LAMB2: variants seen among roughly 807,000 people sequenced by gnomAD.
The protein encoded by LAMB2 is laminin subunit beta 2, also known as laminin subunit beta-2.
A neutral mutation model predicts 202.7 loss-of-function variants in LAMB2; 119 were observed. That is an observed-to-expected ratio of 0.59 (90% CI 0.51 to 0.68). The LOEUF (loss-of-function observed/expected upper bound fraction) is 0.68. Ranked by LOEUF, LAMB2 falls within the 30% of genes least tolerant of loss-of-function variation. The pLI, the probability that LAMB2 is intolerant of heterozygous loss-of-function variation, is 0.00. For synonymous variants in LAMB2, 818 were observed against 902.2 expected (o/e 0.91, Z 1.67); for missense variants, 2,124 against 2,410.6 (o/e 0.88, Z 2.49).
Position 49,129,348 on chromosome 3 carries a change from G to A in LAMB2, c.1519-24C>T. The stretch of plus-strand genomic sequence containing the variant: ...GGCTGCACGAAAGGAGTTGCTGGGG[G>A]CCAGAAACAGACCTCCAGACCCCAT... On this transcript the variant is annotated intron_variant, in intron 11 of 31. Transcript: ENST00000305544. The surrounding 1 kb of genome is among the most constrained non-coding windows in gnomAD (Gnocchi z 6.1). 1 of 1,603,238 alleles carries A rather than the reference G, an allele frequency of 6.2e-7. No homozygotes were observed. The highest frequency in any genetic ancestry group is 8.5e-7 in the Non-Finnish European group (1 of 1,173,176).
Position 49,131,456 on chromosome 3 carries a change from G to T in LAMB2, c.649-14C>A, listed in dbSNP as rs774641752. ...ACGATAGATGACCTGGAGAAGCAGG[G>T]AGTTCATAGTCACACTGGACCTTGC... On this transcript the variant is annotated splice_polypyrimidine_tract_variant and intron_variant, in intron 5 of 31. Coordinates refer to ENST00000305544, the MANE Select transcript of LAMB2 (RefSeq NM_002292.4). This position sits in a 1 kb window ranked among gnomAD's most constrained non-coding sequence, Gnocchi z 5.0. The T allele has an allele frequency of 9.9e-6, 16 of 1,614,060 alleles. No individual in the cohort carries two copies. Among genetic ancestry groups the T allele is most frequent in the Non-Finnish European group, 1.4e-5 (16 of 1,179,990 alleles).
chr3:49,131,678 C>A lies in LAMB2; in HGVS notation c.505G>T (p.Gly169Cys). ...TATCGGTACACATGCCAGGTGCGGCCAAAGTCTGCTGAGCGTTCCACCAGC... is the reference window on the plus strand; with the variant it reads ...TATCGGTACACATGCCAGGTGCGGCAAAAGTCTGCTGAGCGTTCCACCAGC... ...AMLVERSADFGRTWHVYRYFS... is the reference protein window; with the variant it reads ...AMLVERSADFCRTWHVYRYFS... Residue 169 changes from glycine to cysteine, a missense_variant, in exon 5 of 32, where the codon GGC (glycine) becomes TGC (cysteine). This residue lies in a region of LAMB2 where 256 missense variants were observed against 356.1 expected (regional missense o/e 0.72). Transcript: ENST00000305544. The surrounding 1 kb of genome is among the most constrained non-coding windows in gnomAD (Gnocchi z 5.0). The A allele has an allele frequency of 6.2e-7, 1 of 1,613,590 alleles. No individual in the cohort carries two copies. The highest frequency in any genetic ancestry group is 8.5e-7 in the Non-Finnish European group (1 of 1,180,040).
rs1481123908 is a variant in LAMB2, at chr3:49,121,433, C to T, written c.5260G>A (p.Glu1754Lys). Residue 1754 changes from glutamate (E) to lysine (K), a missense_variant and splice_region_variant, in exon 31 of 32, where the codon GAA (glutamate) becomes AAA (lysine). Transcript: ENST00000305544. ...GTGTCTCTGGTGCCCCATTTCTTACCCTGTAGCCGCTGCAGCTTGTCCTGA... is the reference window on the plus strand; with the variant it reads ...GTGTCTCTGGTGCCCCATTTCTTACTCTGTAGCCGCTGCAGCTTGTCCTGA... ...AAQDKLQRLQ[E>K]LEGTYEENER... 2.5e-6 allele frequency: 4 copies of T among 1,613,916 alleles called. No homozygotes were observed.
chr3:49,131,187 A>C lies in LAMB2; in HGVS notation c.713-35T>G, dbSNP rs1434761577. The C allele has an allele frequency of 1.3e-6, 2 of 1,599,958 alleles. No homozygotes were observed. Among genetic ancestry groups the C allele is most frequent in the African/African-American group, 2.7e-5 (2 of 74,628 alleles). On this transcript the variant is annotated intron_variant, in intron 6 of 31. Coordinates refer to ENST00000305544, the MANE Select transcript of LAMB2 (RefSeq NM_002292.4). This position sits in a 1 kb window ranked among gnomAD's most constrained non-coding sequence, Gnocchi z 5.0. ...GGGAAGGGGGGCCAACTGACCAGGC[A>C]GGCCCTTGCTGCCCCATGTCCACCC... is the stretch of plus-strand genomic sequence containing the variant.
chr3:49,129,131 T>C lies in LAMB2; in HGVS notation c.1620A>G (p.Gln540=), dbSNP rs1354605089. 8 of 1,614,042 alleles carry C rather than the reference T, an allele frequency of 5.0e-6. No individual in the cohort carries two copies. The highest frequency in any genetic ancestry group is 2.7e-5 in the African/African-American group (2 of 75,044). ...LDPQCDEGTG[Q]CHCRQHMVGR... is the part of the protein sequence containing the mutation. Reference sequence around the variant, plus strand: ...CAACCATGTGCTGGCGGCAGTGGCATTGACCTGTGCCCTCATCACACCTGG... The same window carrying C: ...CAACCATGTGCTGGCGGCAGTGGCACTGACCTGTGCCCTCATCACACCTGG... The change falls in exon 13 of 32, where the codon CAA becomes CAG. Residue 540 remains glutamine (Q), a synonymous_variant. Coordinates refer to ENST00000305544, the MANE Select transcript of LAMB2 (RefSeq NM_002292.4). The surrounding 1 kb of genome is among the most constrained non-coding windows in gnomAD (Gnocchi z 6.1).
At position 49,131,162 on chromosome 3, in the gene LAMB2, G is replaced by C. The variant is rs769200609; in HGVS notation, c.713-10C>G. ...GTGATCTTCAACAGGTCTGAGGCGGGGGAAGGGGGGCCAACTGACCAGGCA... is the reference window on the plus strand; with the variant it reads ...GTGATCTTCAACAGGTCTGAGGCGGCGGAAGGGGGGCCAACTGACCAGGCA... On this transcript the variant is annotated splice_polypyrimidine_tract_variant and intron_variant, in intron 6 of 31. Coordinates refer to ENST00000305544, the MANE Select transcript of LAMB2 (RefSeq NM_002292.4). This position sits in a 1 kb window ranked among gnomAD's most constrained non-coding sequence, Gnocchi z 5.0. 1.1e-5 allele frequency: 17 copies of C among 1,612,694 alleles called. No individual in the cohort carries two copies. Among genetic ancestry groups the C allele is most frequent in the Non-Finnish European group, 1.4e-5 (16 of 1,179,782 alleles).
In LAMB2 at chr3:49,132,031, G is replaced by A; in HGVS notation, c.459+85C>T. On this transcript the variant is annotated intron_variant, in intron 4 of 31. Transcript: ENST00000305544. The surrounding 1 kb of genome is among the most constrained non-coding windows in gnomAD (Gnocchi z 4.6). ...GCCTCCTGCATCCATGCTCAAGGAG[G>A]CTGTGTTAAGGAGCTGAGGCTCTGT... is the stretch of plus-strand genomic sequence containing the variant. 1 of 1,293,234 alleles carries A rather than the reference G, an allele frequency of 7.7e-7. No homozygotes were observed. The highest frequency in any genetic ancestry group is 1.2e-5 in the South Asian group (1 of 83,778). The allele number at this position is 1,293,234 out of a possible 1,614,324, so 80.1% of individuals were successfully genotyped here.
At position 49,131,730 on chromosome 3, in the gene LAMB2, A is replaced by AG; in HGVS notation, c.460-8dup. 6.2e-7 allele frequency: 1 copy of AG among 1,612,790 alleles called. No homozygotes were observed. The highest frequency in any genetic ancestry group is 1.7e-5 in the Admixed American group (1 of 60,022). On this transcript the variant is annotated splice_region_variant and splice_polypyrimidine_tract_variant and intron_variant, in intron 4 of 31. Transcript: ENST00000305544. This position sits in a 1 kb window ranked among gnomAD's most constrained non-coding sequence, Gnocchi z 5.0. ...TGGCAGCAGGGCGAAATGTCTGGGT[A>AG]GGGGGGCATAGCTGATCAGCAGGCA... is the stretch of plus-strand genomic sequence containing the variant.
chr3:49,127,915 G>A (rs1012445951), intron 15 of LAMB2, among the ~76,000 whole-genome samples: 5 of 148,394 alleles, frequency 3.4e-5, no homozygotes, highest in African/African-American at 1.2e-4. Context: ...AGCTACTCGG[G>A]ATGCTGACAC....
chr3:49,124,751 G>A lies in LAMB2; in HGVS notation c.3059C>T (p.Ala1020Val). Residue 1020 changes from alanine (A) to valine (V), a missense_variant, in exon 21 of 32, where the codon GCC (alanine) becomes GTC (valine). Ala to Val is a moderately conservative substitution (Grantham distance 64, BLOSUM62 0). Coordinates refer to ENST00000305544, the MANE Select transcript of LAMB2 (RefSeq NM_002292.4). ...CLHHTEGPHCAHCKPGFHGQA... is the reference protein window; with the variant it reads ...CLHHTEGPHCVHCKPGFHGQA... The stretch of plus-strand genomic sequence containing the variant: ...CCCATGGAAGCCAGGCTTGCAGTGG[G>A]CACAGTGTGGACCCTCTGTGTGGTG... The A allele has an allele frequency of 1.2e-6, 2 of 1,614,206 alleles. No individual in the cohort carries two copies. The highest frequency in any genetic ancestry group is 1.7e-6 in the Non-Finnish European group (2 of 1,180,038).
In LAMB2 at chr3:49,125,735, G is replaced by T. The variant is rs2045406622; in HGVS notation, c.2488+12C>A. The T allele has an allele frequency of 3.1e-6, 5 of 1,613,206 alleles. No homozygotes were observed. The highest frequency in any genetic ancestry group is 3.3e-5 in the Admixed American group (2 of 59,964). ...AGAGAAGCATAGGAGGGAACAAGGG[G>T]CAGAAGAGTACCTTGACAGCCTGTG... On this transcript the variant is annotated intron_variant, in intron 18 of 31. Coordinates refer to ENST00000305544, the MANE Select transcript of LAMB2 (RefSeq NM_002292.4).
rs901971113 is a variant in LAMB2 at position 49,122,914 on chromosome 3, G to A, written c.4363C>T (p.Arg1455Trp). ...AAATADLALG[R>W]ARHTQAELQR... ...AGCTCTGCCTGTGTGTGCCGGGCCC[G>A]GCCCAGTGCTAGGTCTGCTGTAGCC... is the stretch of plus-strand genomic sequence containing the variant. The change falls in exon 27 of 32, where the codon CGG (arginine) becomes TGG (tryptophan). Residue 1455 changes from arginine (R) to tryptophan (W), a missense_variant. Arg to Trp is a moderately radical substitution (Grantham distance 101). This residue lies in a region of LAMB2 where 1,702 missense variants were observed against 1,896.3 expected (regional missense o/e 0.90). Coordinates refer to ENST00000305544, the MANE Select transcript of LAMB2 (RefSeq NM_002292.4). The A allele has an allele frequency of 1.1e-5, 17 of 1,609,158 alleles. No homozygotes were observed. Among genetic ancestry groups the A allele is most frequent in the Middle Eastern group, 1.7e-4 (1 of 6,060 alleles).
rs761954508 is a variant in LAMB2 at position 49,123,111 on chromosome 3, C to A, written c.4224+21G>T. ...GAGGAACATCTACACCCACCTGCCC[C>A]ACCCAACACTTCAACCTCACCAGCT... On this transcript the variant is annotated intron_variant, in intron 26 of 31. Coordinates refer to ENST00000305544, the MANE Select transcript of LAMB2 (RefSeq NM_002292.4). The A allele has an allele frequency of 1.9e-6, 3 of 1,608,978 alleles. No individual in the cohort carries two copies. The African/African-American group carries it at 4.0e-5, about 21-fold the overall frequency.
In LAMB2 at chr3:49,129,854, G is replaced by A. The variant is rs555820356; in HGVS notation, c.1390C>T (p.Arg464Cys). 3.1e-6 allele frequency: 5 copies of A among 1,613,710 alleles called. No individual in the cohort carries two copies. The highest frequency in any genetic ancestry group is 1.3e-5 in the African/African-American group (1 of 74,918). The change falls in exon 10 of 32, where the codon CGT (arginine) becomes TGT (cysteine). Residue 464 changes from arginine (R) to cysteine (C), a missense_variant. Transcript: ENST00000305544. The surrounding 1 kb of genome is among the most constrained non-coding windows in gnomAD (Gnocchi z 6.1). ...DGFFGLSISD[R>C]LGCRRCQCNA... is the part of the protein sequence containing the mutation. Reference sequence around the variant, plus strand: ...AGACACATACGCCGGCAGCCCAGACGGTCACTGATGCTGAGCCCAAAGAAG... The same window carrying A: ...AGACACATACGCCGGCAGCCCAGACAGTCACTGATGCTGAGCCCAAAGAAG...
In LAMB2 at chr3:49,121,238, G is replaced by A. The variant is rs768621231; in HGVS notation, c.5385C>T (p.Asn1795=). 1.2e-6 allele frequency: 2 copies of A among 1,612,118 alleles called. No individual in the cohort carries two copies. The highest frequency in any genetic ancestry group is 2.2e-5 in the East Asian group (1 of 44,894). Residue 1795 remains asparagine, a synonymous_variant, in exon 32 of 32, where the codon AAC becomes AAT. Transcript: ENST00000305544. ...CCTTGGGCAGGGGTCACTGGCAGGT[G>A]TTGTAGATCTGCACCTGCAAGTTGA... The part of the protein sequence containing the change: ...QAINLQVQIY[N]TCQ
Position 49,123,755 on chromosome 3 carries a change from T to C in LAMB2, c.3770A>G (p.Gln1257Arg), listed in dbSNP as rs997948102. The part of the protein sequence containing the change: ...ARNTSAASTA[Q>R]LVEATEELRR... ...CAGCTCCTCTGTGGCCTCCACAAGC[T>C]GTGCAGTGGAGGCGGCTGAGGTGTT... is the stretch of plus-strand genomic sequence containing the variant. The change falls in exon 24 of 32, where the codon CAG (glutamine) becomes CGG (arginine). Residue 1257 changes from glutamine (Q) to arginine (R), a missense_variant. Around this residue, in one of 3 missense-constraint regions of LAMB2, gnomAD observed 1,702 missense variants for 1,896.3 expected, o/e 0.90. Coordinates refer to ENST00000305544, the MANE Select transcript of LAMB2 (RefSeq NM_002292.4). 1.2e-6 allele frequency: 2 copies of C among 1,613,366 alleles called. No individual in the cohort carries two copies. The highest frequency in any genetic ancestry group is 1.7e-6 in the Non-Finnish European group (2 of 1,180,048).
In LAMB2 at chr3:49,131,601, T is replaced by A; in HGVS notation, c.582A>T (p.Pro194=). Residue 194 remains proline (P), a synonymous_variant, in exon 5 of 32, where the codon CCA becomes CCT. Coordinates refer to ENST00000305544, the MANE Select transcript of LAMB2 (RefSeq NM_002292.4). The surrounding 1 kb of genome is among the most constrained non-coding windows in gnomAD (Gnocchi z 5.0). ...ADFPGVPLAP[P]RHWDDVVCES... ...CACAGACTACATCATCCCAGTGCCG[T>A]GGGGGTGCTAGTGGGACTCCTGGGA... 1 of 1,613,598 alleles carries A rather than the reference T, an allele frequency of 6.2e-7. No individual in the cohort carries two copies. Among genetic ancestry groups the A allele is most frequent in the East Asian group, 2.2e-5 (1 of 44,874 alleles).
Position 49,128,761 on chromosome 3 carries a change from G to A in LAMB2, c.1790C>T (p.Ser597Leu). The A allele has an allele frequency of 6.2e-7, 1 of 1,614,156 alleles. No individual in the cohort carries two copies. The highest frequency in any genetic ancestry group is 2.2e-5 in the East Asian group (1 of 44,888). ...ACCTTCCTGTAGCCGCACGAAGCCT[G>A]AGCCAGTCCAGGATGGAGTTTCCCC... Reference protein sequence around the residue: ...TPGETPSWTGSGFVRLQEGQT... With the variant: ...TPGETPSWTGLGFVRLQEGQT... Residue 597 changes from serine to leucine, a missense_variant, in exon 14 of 32, where the codon TCA becomes TTA. This residue lies in a region of LAMB2 where 1,702 missense variants were observed against 1,896.3 expected (regional missense o/e 0.90). Coordinates refer to ENST00000305544, the MANE Select transcript of LAMB2 (RefSeq NM_002292.4).
Position 49,131,855 on chromosome 3 carries a change from A to G in LAMB2, c.460-132T>C, listed in dbSNP as rs1033689454. The G allele has an allele frequency of 3.6e-5, 38 of 1,048,764 alleles. No individual in the cohort carries two copies. Among genetic ancestry groups the G allele is most frequent in the Non-Finnish European group, 5.3e-5 (37 of 704,500 alleles). The allele number at this position is 1,048,764 out of a possible 1,614,324, so 65.0% of individuals were successfully genotyped here. A position where few individuals can be genotyped will look rare whatever the true frequency, so the allele number is the denominator to read the frequency against. Reference sequence around the variant, plus strand: ...AGTGGGGGTGACTGGTGGAAGCCAGATAATGACCAGCAAAGGTAGCCACCT... The same window carrying G: ...AGTGGGGGTGACTGGTGGAAGCCAGGTAATGACCAGCAAAGGTAGCCACCT... On this transcript the variant is annotated intron_variant, in intron 4 of 31. Coordinates refer to ENST00000305544, the MANE Select transcript of LAMB2 (RefSeq NM_002292.4). This position sits in a 1 kb window ranked among gnomAD's most constrained non-coding sequence, Gnocchi z 5.0.
Sources: gnomAD v4.1 joint callset for allele counts (sites outside exome capture counted in the v4.1 genomes callset) on GRCh38, gnomAD v4.1.1 for gene constraint, gnomAD v4.1.1 regional missense constraint, Gnocchi (gnomAD v3.1) non-coding constraint, MANE v1.5 for transcripts, NCBI Gene and HGNC (gene_info 2026-07-23, HGNC 2026-07-21) for gene names.